The following PSMB7 variants were observed in gnomAD, a reference collection of about 807,000 sequenced individuals.
PSMB7 encodes proteasome subunit beta type-7.
A neutral mutation model predicts 28.1 loss-of-function variants in PSMB7; 5 were observed. The ratio of observed to expected loss-of-function variants is 0.18; its 90% CI spans 0.09 to 0.37. The LOEUF is 0.37. Ranked by LOEUF, PSMB7 falls within the 10% of genes least tolerant of loss-of-function variation. PSMB7 has a pLI of 1.00. For missense variants in PSMB7, 275 were observed against 346.2 expected, an observed-to-expected ratio of 0.79 and a Z score of 1.63; for synonymous variants, 122 against 123.7, an observed-to-expected ratio of 0.99 and a Z score of 0.09.
chr9:124,405,174 T>C (rs575376061), intron 5 of PSMB7, 143 bp downstream of exon 5: 2 of 594,662 alleles, frequency 3.4e-6, no homozygotes, highest in East Asian at 5.7e-5. Context: ...GCCTAATCTA[T>C]AGTAGGAACT....
Position 124,353,535 on chromosome 9 carries a change from G to T in PSMB7, c.*63C>A. The T allele has an allele frequency of 8.4e-7, 1 of 1,192,464 alleles. No homozygotes were observed. 73.9% of individuals were successfully genotyped at this position (1,192,464 alleles called of 1,614,324 possible). A position where few individuals can be genotyped will look rare whatever the true frequency, so the allele number is the denominator to read the frequency against. ...TTCGGCAAACACTAGCCACATGAGT[G>T]TCTTACTGGGCCTCAATGCTCACCA... is the stretch of plus-strand genomic sequence containing the variant. On this transcript the variant is annotated 3_prime_UTR_variant, in exon 8 of 8. Coordinates refer to ENST00000259457, the MANE Select transcript of PSMB7 (RefSeq NM_002799.4).
intron 4 of PSMB7, among the ~76,000 whole-genome samples, chr9:124,406,105 A>G (rs1421342612): frequency 1.3e-5 from 2 of 152,206 alleles, no homozygotes; most frequent in African/African-American, 2.4e-5. Context: ...AAAGATTATC[A>G]GCACTTTTCC....
intron 5 of PSMB7, among the ~76,000 whole-genome samples, chr9:124,397,227 T>A (rs1198912691): frequency 6.6e-6 from 1 of 152,160 alleles, no homozygotes; most frequent in African/African-American, 2.4e-5. Context: ...GGTGCAAAGA[T>A]TGTATCAGTA....
At chr9:124,362,454 C>T (rs577806271) in intron 6 of PSMB7, among the ~76,000 whole-genome samples, 3 of 152,310 alleles carry the variant, frequency 2.0e-5, no homozygotes, top group African/African-American at 4.8e-5. Context: ...GATGGCATCA[C>T]GGCGGAATCC....
intron 1 of PSMB7, 27 bp downstream of exon 1, chr9:124,415,337 T>C: frequency 1.2e-6 from 2 of 1,611,866 alleles, no homozygotes; most frequent in Non-Finnish European, 1.7e-6. Flanking sequence ...TCTCCCTCCC[T>C]GAACCAAGCC....
chr9:124,414,791 G>T, intron 2 of PSMB7, 51 bp downstream of exon 2: 1 of 1,494,890 alleles, frequency 6.7e-7, no homozygotes, highest in Non-Finnish European at 9.3e-7. Flanking sequence ...CAAGTGTTCT[G>T]ATTCCTGTTG....
chr9:124,408,239 G>A (rs1056411692), intron 4 of PSMB7, among the ~76,000 whole-genome samples: 2 of 151,994 alleles, frequency 1.3e-5, no homozygotes, highest in African/African-American at 2.4e-5. Flanking sequence ...CGCTACTGAC[G>A]GTAGTACAAC....
intron 6 of PSMB7, among the ~76,000 whole-genome samples, chr9:124,360,479 C>T (rs7047609): frequency 1.3e-5 from 2 of 152,204 alleles, no homozygotes; most frequent in South Asian, 2.1e-4. Context: ...GTGCGATGCT[C>T]TCTCCCACAG....
chr9:124,399,646 G>C (rs766186401), intron 5 of PSMB7, among the ~76,000 whole-genome samples: 1 of 152,206 alleles, frequency 6.6e-6, no homozygotes, highest in Non-Finnish European at 1.5e-5. Context: ...AAATGAAGGC[G>C]TGACTGCAAC....
At chr9:124,380,960 T>C (rs1270086924) in intron 6 of PSMB7, among the ~76,000 whole-genome samples, 2 of 152,266 alleles carry the variant, frequency 1.3e-5, no homozygotes, top group African/African-American at 4.8e-5. Flanking sequence ...AATTAGATGA[T>C]ATTTTATTAA....
At chr9:124,404,296 CAA>C (rs1830941571) in intron 5 of PSMB7, among the ~76,000 whole-genome samples, 1 of 152,110 alleles carries the variant, frequency 6.6e-6, no homozygotes, top group African/African-American at 2.4e-5. Flanking sequence ...ATGATCATTG[CAA>C]ATTCATATGC....
At chr9:124,415,121 C>A (rs1831073350) in intron 1 of PSMB7, 186 bp from the exon 2 acceptor site, 2 of 625,864 alleles carry the variant, frequency 3.2e-6, no homozygotes, top group Non-Finnish European at 2.8e-6. Context: ...ACAAAGGGGC[C>A]GTGACGTGCC....
chr9:124,390,781 A>AG (rs1830775476), intron 5 of PSMB7, among the ~76,000 whole-genome samples: 1 of 152,178 alleles, frequency 6.6e-6, no homozygotes, highest in African/African-American at 2.4e-5. Context: ...CAACATTGTG[A>AG]GGGGATGGAA....
intron 7 of PSMB7, among the ~76,000 whole-genome samples, chr9:124,355,446 C>G (rs1830394492): frequency 6.6e-6 from 1 of 152,234 alleles, no homozygotes; most frequent in African/African-American, 2.4e-5. Context: ...ACGTGGCTTT[C>G]AGAGTCCTCG....
chr9:124,360,066 T>C (rs542368677), intron 6 of PSMB7, among the ~76,000 whole-genome samples: 1 of 152,326 alleles, frequency 6.6e-6, no homozygotes, highest in Admixed American at 6.5e-5. Flanking sequence ...CTGAATACTG[T>C]CTCTGACTAC....
At chr9:124,391,797 T>A (rs931728616) in intron 5 of PSMB7, among the ~76,000 whole-genome samples, 4 of 152,212 alleles carry the variant, frequency 2.6e-5, no homozygotes, top group Non-Finnish European at 5.9e-5. Flanking sequence ...TTTTACAATC[T>A]AGATATTGCT....
In PSMB7 at chr9:124,412,439, G is replaced by A. The variant is rs780113313; in HGVS notation, c.308C>T (p.Ser103Phe). The A allele has an allele frequency of 6.2e-7, 1 of 1,614,192 alleles. No individual in the cohort carries two copies. The highest frequency in any genetic ancestry group is 8.5e-7 in the Non-Finnish European group (1 of 1,180,024). The change falls in exon 4 of 8, where the codon TCT becomes TTT. Residue 103 changes from serine to phenylalanine, a missense_variant. By Grantham distance (155) the Ser-to-Phe change is radical (BLOSUM62 -2). Coordinates refer to ENST00000259457, the MANE Select transcript of PSMB7 (RefSeq NM_002799.4). The stretch of plus-strand genomic sequence containing the variant: ...GAGGGAGTGGAGCTCCAGGTTGGAA[G>A]AAATGAGCTGGGTTGTCATGTCTGT... ...ADTDMTTQLI[S>F]SNLELHSLST... is the part of the protein sequence containing the mutation.
chr9:124,360,249 G>A (rs546461794), intron 6 of PSMB7, among the ~76,000 whole-genome samples: 67 of 152,358 alleles, frequency 4.4e-4, no homozygotes, highest in African/African-American at 1.5e-3. Flanking sequence ...GGCAAGAGGT[G>A]GGGAAAACAC....
intron 5 of PSMB7, among the ~76,000 whole-genome samples, chr9:124,393,371 A>C (rs1311753957): frequency 6.6e-6 from 1 of 152,218 alleles, no homozygotes; most frequent in Non-Finnish European, 1.5e-5. Flanking sequence ...TTGTCAGCAT[A>C]AACAGTTTAA....
Sources: allele counts gnomAD v4.1 joint callset (sites outside exome capture counted in the v4.1 genomes callset), GRCh38; gene constraint gnomAD v4.1.1; transcripts MANE v1.5; gene names NCBI Gene and HGNC (gene_info 2026-07-23, HGNC 2026-07-21).